The following MTMR8 variants were observed in gnomAD, a reference collection of about 807,000 sequenced individuals.
MTMR8 encodes myotubularin related protein 8, also known as phosphatidylinositol-3,5-bisphosphate 3-phosphatase MTMR8.
MTMR8 carries 65 observed loss-of-function variants against 39.3 expected under a neutral mutation model. The ratio of observed to expected loss-of-function variants is 1.65; its 90% CI spans 1.35 to 2.03. The LOEUF (loss-of-function observed/expected upper bound fraction) is 2.03, where lower values mean the gene tolerates loss of function less well. Ranked by LOEUF, MTMR8 falls within the 30% of genes most tolerant of loss-of-function variation. MTMR8 has a pLI of 0.00. For synonymous variants in MTMR8, 245 were observed against 185.2 expected (o/e 1.32, Z -2.62); for missense variants, 777 against 538.9 (o/e 1.44, Z -4.37).
At chrX:64,393,149 A>T (rs1924736233) in intron 1 of MTMR8, among the ~76,000 whole-genome samples, 1 of 111,772 alleles carries the variant, frequency 8.9e-6, no homozygotes, top group Admixed American at 9.5e-5. Context: ...TTGAGCACGA[A>T]CCCTATCCCA....
In MTMR8 at chrX:64,349,932, C is replaced by A; in HGVS notation, c.597+10G>T. 8.8e-6 allele frequency: 10 copies of A among 1,130,867 alleles called. No individual in the cohort carries two copies. The highest frequency in any genetic ancestry group is 1.2e-5 in the Non-Finnish European group (10 of 853,176). The allele number at this position is 1,130,867 out of a possible 1,213,427, so 93.2% of individuals were successfully genotyped here. On this transcript the variant is annotated intron_variant, in intron 5 of 13. Transcript: ENST00000374852. Reference sequence around the variant, plus strand: ...GTTTAATTATCATTAGAGAAATCTGCTTAACTTACATTGTTCTCTTTGTAG... The same window carrying A: ...GTTTAATTATCATTAGAGAAATCTGATTAACTTACATTGTTCTCTTTGTAG...
At chrX:64,335,118 C>T (rs1602136361) in intron 10 of MTMR8, among the ~76,000 whole-genome samples, 2 of 110,337 alleles carry the variant, frequency 1.8e-5, no homozygotes, top group African/African-American at 6.6e-5. Flanking sequence ...TTATAATCTC[C>T]TTGGGGTAAA....
chrX:64,315,818 C>T (rs763110322), intron 12 of MTMR8, among the ~76,000 whole-genome samples: 3 of 111,223 alleles, frequency 2.7e-5, no homozygotes, highest in Non-Finnish European at 3.8e-5. Flanking sequence ...TCATGCCTTC[C>T]TGTGGGTTAC....
At chrX:64,328,706 G>C in intron 12 of MTMR8, 66 bp downstream of exon 12, 1 of 1,050,213 alleles carries the variant, frequency 9.5e-7, no homozygotes, top group Non-Finnish European at 1.3e-6. Context: ...GCTATCCAAG[G>C]AGAAGCAAGG....
At chrX:64,298,269 T>C (rs1442903275) in intron 12 of MTMR8, among the ~76,000 whole-genome samples, 1 of 104,215 alleles carries the variant, frequency 9.6e-6, no homozygotes, top group Non-Finnish European at 2.0e-5. Flanking sequence ...GAGCAGTGGT[T>C]TCTAGTTCTC....
At chrX:64,388,262 G>A (rs1482869228) in intron 1 of MTMR8, among the ~76,000 whole-genome samples, 1 of 111,968 alleles carries the variant, frequency 8.9e-6, no homozygotes, top group Non-Finnish European at 1.9e-5. Context: ...TCCCAAGCAA[G>A]TCCTGCCCCT....
At chrX:64,355,582 G>A (rs1317193245) in intron 3 of MTMR8, among the ~76,000 whole-genome samples, 3 of 111,216 alleles carry the variant, frequency 2.7e-5, no homozygotes, top group Non-Finnish European at 5.7e-5. Context: ...GAATTACTCT[G>A]AGGGAAAAGG....
chrX:64,330,890 G>A (rs953859071), intron 11 of MTMR8, among the ~76,000 whole-genome samples: 2 of 111,644 alleles, frequency 1.8e-5, no homozygotes, highest in African/African-American at 6.5e-5. Context: ...GGATTTTAAT[G>A]TGAAATCTAC....
In MTMR8 at chrX:64,383,139, GA is replaced by G. The variant is rs1273041994; in HGVS notation, c.24+12200del. Among the ~76,000 whole-genome samples, 3 of 110,935 alleles carry G rather than the reference GA, an allele frequency of 2.7e-5. No individual in the cohort carries two copies. The East Asian group carries it at 8.4e-4, about 31-fold the overall frequency. On this transcript the variant is annotated intron_variant, in intron 1 of 13. Transcript: ENST00000374852. Reference sequence around the variant, plus strand: ...CAACACAGTGCAGTTATTCTTCAAAGAAAAAAGATCTCTTTTGATCACCTGC... The same window carrying G: ...CAACACAGTGCAGTTATTCTTCAAAGAAAAAGATCTCTTTTGATCACCTGC...
intron 8 of MTMR8, among the ~76,000 whole-genome samples, chrX:64,342,132 A>G (rs111895066): frequency 0.033 from 3,667 of 112,248 alleles, 85 homozygotes; most frequent in Non-Finnish European, 0.053. Context: ...CATGTTCAAG[A>G]AAAATAACTT....
intron 12 of MTMR8, among the ~76,000 whole-genome samples, chrX:64,317,852 T>A (rs942426442): frequency 8.9e-6 from 1 of 112,422 alleles, no homozygotes; most frequent in Admixed American, 9.4e-5. Flanking sequence ...AAGTCAAGGT[T>A]CTCCATTTAG....
intron 12 of MTMR8, among the ~76,000 whole-genome samples, chrX:64,286,776 A>C (rs1481911574): frequency 1.8e-5 from 2 of 111,840 alleles, no homozygotes; most frequent in African/African-American, 6.5e-5. Flanking sequence ...TTCATGCTAA[A>C]AACTCTCAAT....
intron 12 of MTMR8, among the ~76,000 whole-genome samples, chrX:64,287,446 C>T (rs1036517025): frequency 1.8e-5 from 2 of 111,225 alleles, no homozygotes; most frequent in Non-Finnish European, 3.8e-5. Flanking sequence ...ACTTTCTTCA[C>T]AGAATTGGAA....
intron 4 of MTMR8, among the ~76,000 whole-genome samples, chrX:64,350,483 G>A (rs770481063): frequency 1.8e-5 from 2 of 111,466 alleles, no homozygotes; most frequent in East Asian, 2.8e-4. Context: ...AGTACATTTT[G>A]TTCTTATATG....
At chrX:64,275,660 A>AT (rs1228964760) in intron 12 of MTMR8, among the ~76,000 whole-genome samples, 1 of 109,851 alleles carries the variant, frequency 9.1e-6, no homozygotes, top group Non-Finnish European at 1.9e-5. Flanking sequence ...AAAAAAAAAA[A>AT]AAAAAAAGAA....
intron 1 of MTMR8, among the ~76,000 whole-genome samples, chrX:64,381,666 G>C (rs1183043362): frequency 9.0e-6 from 1 of 111,161 alleles, no homozygotes; most frequent in Non-Finnish European, 1.9e-5. Flanking sequence ...TTTTAGACAT[G>C]AAGTCCTTGC....
In MTMR8 at chrX:64,359,434, C is replaced by G. The variant is rs776167775; in HGVS notation, c.118G>C (p.Ala40Pro). The G allele has an allele frequency of 1.2e-4, 145 of 1,205,192 alleles. No individual in the cohort carries two copies. Among genetic ancestry groups the G allele is most frequent in the Non-Finnish European group, 1.6e-4 (140 of 892,230 alleles). Residue 40 changes from alanine to proline, a missense_variant, in exon 2 of 14, where the codon GCT becomes CCT. Transcript: ENST00000374852. ...LTATHLIYVE[A>P]SGAARKETWI... ...GTTTCTTTCCGGGCTGCACCTGAAG[C>G]CTCCACATAGATCAGGTGGGTTGCA... is the stretch of plus-strand genomic sequence containing the variant.
chrX:64,392,139 G>A (rs763963828), intron 1 of MTMR8, among the ~76,000 whole-genome samples: 1 of 111,794 alleles, frequency 8.9e-6, no homozygotes, highest in East Asian at 2.8e-4. Context: ...AGATAGATCT[G>A]TTCTCATACA....
rs368039868 is a variant in MTMR8 at position 64,354,798 on chromosome X, T to G, written c.447A>C (p.Thr149=). The stretch of plus-strand genomic sequence containing the variant: ...TTACCTCATAGTTTCTGTTGGCATC[T>G]GTTATGGTCCAGTTTCTGTTGGGTA... The part of the protein sequence containing the change: ...MGIPNRNWTI[T]DANRNYEICS... The change falls in exon 4 of 14, where the codon ACA becomes ACC. Residue 149 remains threonine, a synonymous_variant. Transcript: ENST00000374852. 8.4e-7 allele frequency: 1 copy of G among 1,190,869 alleles called. No individual in the cohort carries two copies. The highest frequency in any genetic ancestry group is 1.1e-6 in the Non-Finnish European group (1 of 887,208).
Sources: allele counts gnomAD v4.1 joint callset (sites outside exome capture counted in the v4.1 genomes callset), GRCh38; gene constraint gnomAD v4.1.1; transcripts MANE v1.5; gene names NCBI Gene and HGNC (gene_info 2026-07-23, HGNC 2026-07-21).